The following SPATA31D1 variants were observed in gnomAD, a reference collection of about 807,000 sequenced individuals.
The protein encoded by SPATA31D1 is spermatogenesis-associated protein 31D1.
SPATA31D1 carries 6 observed loss-of-function variants against 13.2 expected under a neutral mutation model. The observed-to-expected ratio is 0.46, with a 90% CI of 0.25 to 0.90. The LOEUF (loss-of-function observed/expected upper bound fraction) is 0.90, where lower values mean the gene tolerates loss of function less well. SPATA31D1 is among the 40% of genes least tolerant of loss of function. The probability of loss-of-function intolerance (pLI) is 0.18; values close to 1 mark genes in which losing one functional copy is unlikely to be tolerated. For synonymous variants in SPATA31D1, 903 were observed against 718.8 expected, an observed-to-expected ratio of 1.26 and a Z score of -4.10; for missense variants, 2,445 against 1,884.7, an observed-to-expected ratio of 1.30 and a Z score of -5.50.
chr9:81,992,061 T>G lies in SPATA31D1; in HGVS notation c.1591T>G (p.Phe531Val), dbSNP rs1368511938. ...VQRGHSSMFV[F>V]FNGITNTSIS... Reference sequence around the variant, plus strand: ...ACGTGGCCATTCCTCCATGTTTGTATTCTTCAATGGCATTACAAATACATC... The same window carrying G: ...ACGTGGCCATTCCTCCATGTTTGTAGTCTTCAATGGCATTACAAATACATC... Residue 531 changes from phenylalanine to valine, a missense_variant, in exon 4 of 4, where the codon TTC (phenylalanine) becomes GTC (valine). Coordinates refer to ENST00000344803, the MANE Select transcript of SPATA31D1 (RefSeq NM_001001670.3). 6.2e-7 allele frequency: 1 copy of G among 1,613,702 alleles called. No individual in the cohort carries two copies. Among genetic ancestry groups the G allele is most frequent in the African/African-American group, 1.3e-5 (1 of 74,928 alleles).
intron 1 of SPATA31D1, 84 bp downstream of exon 1, chr9:81,989,088 T>C (rs1192030918): frequency 1.3e-6 from 2 of 1,547,424 alleles, no homozygotes; most frequent in Non-Finnish European, 1.7e-6. Flanking sequence ...ATAAGTTTGG[T>C]TGGTACAGAG....
rs1269046851 is a variant in SPATA31D1, at chr9:81,990,953, T to C, written c.483T>C (p.Ser161=). 2.5e-6 allele frequency: 4 copies of C among 1,613,804 alleles called. No homozygotes were observed. The highest frequency in any genetic ancestry group is 1.3e-5 in the African/African-American group (1 of 74,910). ...DAAPSVSPLA[S]SASATESSFT... ...CTCCCTCTGTGTCCCCTTTGGCTTCTTCGGCTTCTGCGACTGAGTCATCGT... is the reference window on the plus strand; with the variant it reads ...CTCCCTCTGTGTCCCCTTTGGCTTCCTCGGCTTCTGCGACTGAGTCATCGT... Residue 161 remains serine (S), a synonymous_variant, in exon 4 of 4, where the codon TCT becomes TCC. Coordinates refer to ENST00000344803, the MANE Select transcript of SPATA31D1 (RefSeq NM_001001670.3).
In SPATA31D1 at chr9:81,992,805, A is replaced by C. The variant is rs764484112; in HGVS notation, c.2335A>C (p.Thr779Pro). ...VGNYQGYSQE[T>P]VPKDHLLHGP... ...GAATTATCAGGGATACAGCCAGGAG[A>C]CTGTCCCAAAAGATCACCTGTTGCA... The change falls in exon 4 of 4, where the codon ACT becomes CCT. Residue 779 changes from threonine to proline, a missense_variant. Thr to Pro is a conservative substitution (Grantham distance 38). Transcript: ENST00000344803. 101 of 1,613,666 alleles carry C rather than the reference A, an allele frequency of 6.3e-5. No individual in the cohort carries two copies. Among genetic ancestry groups the C allele is most frequent in the Non-Finnish European group, 8.6e-5 (101 of 1,179,732 alleles).
Position 81,994,701 on chromosome 9 carries a change from G to C in SPATA31D1, c.4231G>C (p.Glu1411Gln), listed in dbSNP as rs569032568. 20 of 1,613,728 alleles carry C rather than the reference G, an allele frequency of 1.2e-5. No homozygotes were observed. The South Asian group carries it at 2.2e-4, about 18-fold the overall frequency. Reference protein sequence around the residue: ...EAQKIRKDTREFLEEKLGHRH... With the variant: ...EAQKIRKDTRQFLEEKLGHRH... ...TCAGAAAATTAGGAAAGACACTAGG[G>C]AGTTCCTAGAAGAGAAGCTGGGGCA... Residue 1411 changes from glutamate to glutamine, a missense_variant, in exon 4 of 4, where the codon GAG (glutamate) becomes CAG (glutamine). Coordinates refer to ENST00000344803, the MANE Select transcript of SPATA31D1 (RefSeq NM_001001670.3).
rs554676830 is a variant in SPATA31D1, at chr9:81,992,252, T to C, written c.1782T>C (p.Ser594=). 147 of 1,613,798 alleles carry C rather than the reference T, an allele frequency of 9.1e-5. 2 individuals carry two copies. In the South Asian group the frequency reaches 1.5e-3, roughly 17 times the overall value. ...CTCCATTCCGAGCCCTACTACCTAGTCCTCTATTCCTGATTAGGATCTGTG... is the reference window on the plus strand; with the variant it reads ...CTCCATTCCGAGCCCTACTACCTAGCCCTCTATTCCTGATTAGGATCTGTG... ...PQSPFRALLP[S]PLFLIRICGV... is the part of the protein sequence containing the mutation. Residue 594 remains serine (S), a synonymous_variant, in exon 4 of 4, where the codon AGT becomes AGC. Coordinates refer to ENST00000344803, the MANE Select transcript of SPATA31D1 (RefSeq NM_001001670.3).
At chr9:81,989,101 A>G in intron 1 of SPATA31D1, 97 bp downstream of exon 1, 9 of 1,490,320 alleles carry the variant, frequency 6.0e-6, no homozygotes, top group Non-Finnish European at 8.1e-6. Context: ...GTACAGAGAC[A>G]TGTTTTAGAT....
Position 81,990,474 on chromosome 9 carries a change from C to G in SPATA31D1, c.290C>G (p.Ser97Cys), listed in dbSNP as rs267602286. Residue 97 changes from serine (S) to cysteine (C), a missense_variant, in exon 3 of 4, where the codon TCT becomes TGT. By Grantham distance (112) the Ser-to-Cys change is moderately radical (BLOSUM62 -1). Coordinates refer to ENST00000344803, the MANE Select transcript of SPATA31D1 (RefSeq NM_001001670.3). ...GAGGAAGAGGAAAGGAAGCTGCTTTCTCTTCTGAAAAGGTGATTAATCTTT... is the reference window on the plus strand; with the variant it reads ...GAGGAAGAGGAAAGGAAGCTGCTTTGTCTTCTGAAAAGGTGATTAATCTTT... ...REEEEERKLL[S>C]LLKSFGPPVS... 1 of 1,606,268 alleles carries G rather than the reference C, an allele frequency of 6.2e-7. No individual in the cohort carries two copies. Among genetic ancestry groups the G allele is most frequent in the Non-Finnish European group, 8.5e-7 (1 of 1,176,064 alleles).
Position 81,993,451 on chromosome 9 carries a change from T to G in SPATA31D1, c.2981T>G (p.Val994Gly), listed in dbSNP as rs746756386. 4 of 1,613,736 alleles carry G rather than the reference T, an allele frequency of 2.5e-6. No homozygotes were observed. The highest frequency in any genetic ancestry group is 2.7e-5 in the African/African-American group (2 of 74,988). Reference sequence around the variant, plus strand: ...CCTCACCCTGTCTCCTCACCTGTCGTCCAAGAAGGGCAGGGGACCCTGAGA... The same window carrying G: ...CCTCACCCTGTCTCCTCACCTGTCGGCCAAGAAGGGCAGGGGACCCTGAGA... The part of the protein sequence containing the change: ...DRPHPVSSPV[V>G]QEGQGTLRRQ... Residue 994 changes from valine to glycine, a missense_variant, in exon 4 of 4, where the codon GTC (valine) becomes GGC (glycine). Physicochemically the swap from Val to Gly is moderately radical, Grantham distance 109. Coordinates refer to ENST00000344803, the MANE Select transcript of SPATA31D1 (RefSeq NM_001001670.3).
Position 81,992,446 on chromosome 9 carries a change from T to G in SPATA31D1, c.1976T>G (p.Leu659Trp). Residue 659 changes from leucine to tryptophan, a missense_variant, in exon 4 of 4, where the codon TTG becomes TGG. Coordinates refer to ENST00000344803, the MANE Select transcript of SPATA31D1 (RefSeq NM_001001670.3). The part of the protein sequence containing the change: ...DFCPPAPNPE[L>W]VRKSFKVHVP... ...TGTCCTCCAGCTCCCAATCCTGAAT[T>G]GGTCAGAAAGTCCTTCAAGGTCCAT... The G allele has an allele frequency of 6.2e-7, 1 of 1,612,658 alleles. No homozygotes were observed. The highest frequency in any genetic ancestry group is 1.1e-5 in the South Asian group (1 of 91,022).
Position 81,993,912 on chromosome 9 carries a change from C to G in SPATA31D1, c.3442C>G (p.Pro1148Ala). Residue 1148 changes from proline (P) to alanine (A), a missense_variant, in exon 4 of 4, where the codon CCT becomes GCT. Physicochemically the swap from Pro to Ala is conservative, Grantham distance 27. Coordinates refer to ENST00000344803, the MANE Select transcript of SPATA31D1 (RefSeq NM_001001670.3). The stretch of plus-strand genomic sequence containing the variant: ...GCTTCAGGGCAGTAGAAAGACCTTT[C>G]CTGTCACCAATGCTCTTCAATCACA... ...DRLQGSRKTF[P>A]VTNALQSQTR... The G allele has an allele frequency of 6.2e-7, 1 of 1,613,922 alleles. No individual in the cohort carries two copies. Among genetic ancestry groups the G allele is most frequent in the East Asian group, 2.2e-5 (1 of 44,876 alleles).
In SPATA31D1 at chr9:81,992,403, A is replaced by G. The variant is rs1245558909; in HGVS notation, c.1933A>G (p.Lys645Glu). The G allele has an allele frequency of 4.3e-6, 7 of 1,613,666 alleles. No individual in the cohort carries two copies. Among genetic ancestry groups the G allele is most frequent in the Non-Finnish European group, 5.9e-6 (7 of 1,179,734 alleles). Residue 645 changes from lysine (K) to glutamate (E), a missense_variant, in exon 4 of 4, where the codon AAA becomes GAA. By Grantham distance (56) the Lys-to-Glu change is moderately conservative (BLOSUM62 1). Transcript: ENST00000344803. The stretch of plus-strand genomic sequence containing the variant: ...GTGGGGCTTACCCTCTGTGGTTCAA[A>G]AATCCCAGGAAGACTTTTGTCCTCC... Reference protein sequence around the residue: ...SLWGLPSVVQKSQEDFCPPAP... With the variant: ...SLWGLPSVVQESQEDFCPPAP...
In SPATA31D1 at chr9:81,992,175, C is replaced by A. The variant is rs1824983321; in HGVS notation, c.1705C>A (p.Gln569Lys). ...QPLPLPQTLP[Q>K]GQSPHLTQVK... ...ACTACCCTTGCCTCAAACCCTGCCC[C>A]AAGGTCAGTCCCCACATCTCACTCA... Residue 569 changes from glutamine (Q) to lysine (K), a missense_variant, in exon 4 of 4, where the codon CAA (glutamine) becomes AAA (lysine). Coordinates refer to ENST00000344803, the MANE Select transcript of SPATA31D1 (RefSeq NM_001001670.3). The A allele has an allele frequency of 1.2e-6, 2 of 1,613,768 alleles. No homozygotes were observed. Among genetic ancestry groups the A allele is most frequent in the Non-Finnish European group, 1.7e-6 (2 of 1,179,728 alleles).
upstream of SPATA31D1, among the ~76,000 whole-genome samples, chr9:81,988,114 G>A (rs1052122377): frequency 6.6e-6 from 1 of 152,056 alleles, no homozygotes; most frequent in African/African-American, 2.4e-5. Context: ...CCAGCACAGG[G>A]GACAGGTTTG....
chr9:81,988,981 G>A lies in SPATA31D1; in HGVS notation c.163G>A (p.Glu55Lys), dbSNP rs766501253. 1.5e-4 allele frequency: 248 copies of A among 1,611,086 alleles called. No individual in the cohort carries two copies. The highest frequency in any genetic ancestry group is 1.9e-4 in the Non-Finnish European group (221 of 1,179,528). Reference sequence around the variant, plus strand: ...ATTGACCCTGTATTCGTCACCCACCGAAAAAAATAATGACATCCAAAAGGT... The same window carrying A: ...ATTGACCCTGTATTCGTCACCCACCAAAAAAAATAATGACATCCAAAAGGT... ...VVLTLYSSPT[E>K]KNNDIQKHQG... Residue 55 changes from glutamate to lysine, a missense_variant, in exon 1 of 4, where the codon GAA becomes AAA. Glu to Lys is a moderately conservative substitution (Grantham distance 56, BLOSUM62 1). Coordinates refer to ENST00000344803, the MANE Select transcript of SPATA31D1 (RefSeq NM_001001670.3).
chr9:81,992,195 C>T lies in SPATA31D1; in HGVS notation c.1725C>T (p.Leu575=), dbSNP rs369067026. 2.5e-5 allele frequency: 41 copies of T among 1,613,674 alleles called. No individual in the cohort carries two copies. The highest frequency in any genetic ancestry group is 3.3e-5 in the Non-Finnish European group (39 of 1,179,732). ...QTLPQGQSPH[L]TQVKSLAQPQ... ...TGCCCCAAGGTCAGTCCCCACATCT[C>T]ACTCAGGTGAAGTCCCTGGCTCAAC... is the stretch of plus-strand genomic sequence containing the variant. Residue 575 remains leucine, a synonymous_variant, in exon 4 of 4, where the codon CTC becomes CTT. Transcript: ENST00000344803.
chr9:81,990,801 C>T lies in SPATA31D1; in HGVS notation c.331C>T (p.Arg111Trp), dbSNP rs200055434. 3.1e-4 allele frequency: 492 copies of T among 1,612,326 alleles called. 1 individual carries two copies. The highest frequency in any genetic ancestry group is 3.6e-4 in the Non-Finnish European group (429 of 1,179,166). Residue 111 changes from arginine (R) to tryptophan (W), a missense_variant, in exon 4 of 4, where the codon CGG becomes TGG. Transcript: ENST00000344803. Reference protein sequence around the residue: ...SFGPPVSCSPRGQHHDTNHFR... With the variant: ...SFGPPVSCSPWGQHHDTNHFR... Reference sequence around the variant, plus strand: ...TGGACCTCCTGTTTCCTGCAGTCCTCGGGGCCAGCATCATGATACCAACCA... The same window carrying T: ...TGGACCTCCTGTTTCCTGCAGTCCTTGGGGCCAGCATCATGATACCAACCA...
chr9:81,990,786 G>C lies in SPATA31D1; in HGVS notation c.316G>C (p.Val106Leu). ...LSLLKSFGPP[V>L]SCSPRGQHHD... ...TCCTGACTGCAGCTTTGGACCTCCT[G>C]TTTCCTGCAGTCCTCGGGGCCAGCA... Residue 106 changes from valine (V) to leucine (L), a missense_variant, in exon 4 of 4, where the codon GTT (valine) becomes CTT (leucine). Val to Leu is a conservative substitution (Grantham distance 32, BLOSUM62 1). Transcript: ENST00000344803. 6.2e-7 allele frequency: 1 copy of C among 1,610,768 alleles called. No individual in the cohort carries two copies. Among genetic ancestry groups the C allele is most frequent in the Non-Finnish European group, 8.5e-7 (1 of 1,178,372 alleles).
At position 81,989,114 on chromosome 9, in the gene SPATA31D1, G is replaced by C. The variant is rs145314111; in HGVS notation, c.186+110G>C. On this transcript the variant is annotated intron_variant, in intron 1 of 3. Transcript: ENST00000344803. ...TGGTACAGAGACATGTTTTAGATGG[G>C]AAGTCTGAAGAGAGGATAGAACTTC... is the stretch of plus-strand genomic sequence containing the variant. The C allele has an allele frequency of 1.4e-3, 1,972 of 1,452,788 alleles. 19 individuals are homozygous for C. The African/African-American group carries it at 0.026, about 19-fold the overall frequency. The allele number at this position is 1,452,788 out of a possible 1,614,324, so 90.0% of individuals were successfully genotyped here. A position where few individuals can be genotyped will look rare whatever the true frequency, so the allele number is the denominator to read the frequency against.
chr9:81,993,121 A>G lies in SPATA31D1; in HGVS notation c.2651A>G (p.His884Arg), dbSNP rs1171437460. 5 of 1,613,992 alleles carry G rather than the reference A, an allele frequency of 3.1e-6. No homozygotes were observed. The highest frequency in any genetic ancestry group is 1.7e-5 in the Admixed American group (1 of 60,026). Reference protein sequence around the residue: ...RNLVTLVSEDHCVDTSQEISF... With the variant: ...RNLVTLVSEDRCVDTSQEISF... ...CTGGTAACATTGGTGAGTGAGGACCACTGCGTTGATACTTCCCAGGAAATT... is the reference window on the plus strand; with the variant it reads ...CTGGTAACATTGGTGAGTGAGGACCGCTGCGTTGATACTTCCCAGGAAATT... The change falls in exon 4 of 4, where the codon CAC (histidine) becomes CGC (arginine). Residue 884 changes from histidine (H) to arginine (R), a missense_variant. Physicochemically the swap from His to Arg is conservative, Grantham distance 29. Coordinates refer to ENST00000344803, the MANE Select transcript of SPATA31D1 (RefSeq NM_001001670.3).
Sources: allele counts gnomAD v4.1 joint callset (sites outside exome capture counted in the v4.1 genomes callset), GRCh38; gene constraint gnomAD v4.1.1; transcripts MANE v1.5; gene names NCBI Gene and HGNC (gene_info 2026-07-23, HGNC 2026-07-21).